Variants in RGS18 observed in about 807,000 individuals in gnomAD.
RGS18 encodes the protein regulator of G-protein signaling 18.
RGS18 carries 22 observed loss-of-function variants against 27.6 expected under a neutral mutation model. The observed-to-expected ratio is 0.80, with a 90% CI of 0.57 to 1.14. The LOEUF is 1.14. RGS18 is among the 50% of genes most tolerant of loss of function. The pLI, the probability that RGS18 is intolerant of heterozygous loss-of-function variation, is 0.00. For synonymous variants in RGS18, 89 were observed against 84.6 expected, an observed-to-expected ratio of 1.05 and a Z score of -0.29; for missense variants, 299 against 269.6, an observed-to-expected ratio of 1.11 and a Z score of -0.76.
rs951613676 is a variant in RGS18, at chr1:192,173,679, GT to G, written c.284-7606del. Among the ~76,000 whole-genome samples the G allele has an allele frequency of 2.3e-4, 35 of 151,482 alleles. 2 individuals carry two copies. The highest frequency in any genetic ancestry group is 3.4e-3 in the Middle Eastern group (1 of 294). ...GTGTCAGTTTGGGTATAGGTTTATT[GT>G]TTTTTTAAACAATTTCCCTATGCCA... On this transcript the variant is annotated intron_variant, in intron 3 of 4. Transcript: ENST00000367460.
intron 3 of RGS18, among the ~76,000 whole-genome samples, chr1:192,172,743 A>C (rs1656283233): frequency 6.6e-6 from 1 of 151,394 alleles, no homozygotes. Flanking sequence ...CCCCATCTCA[A>C]CGTCCTGAAC....
chr1:192,165,768 A>G (rs61822861), intron 3 of RGS18, among the ~76,000 whole-genome samples: 25 of 152,210 alleles, frequency 1.6e-4, no homozygotes, highest in Non-Finnish European at 2.9e-4. Flanking sequence ...ATTTTAACAC[A>G]ATGAAGTCCA....
At chr1:192,168,430 A>G (rs1656198393) in intron 3 of RGS18, 1 of 152,152 alleles carries the variant, frequency 6.6e-6, no homozygotes, top group Non-Finnish European at 1.5e-5. Flanking sequence ...CATACATAGC[A>G]CTTTTCTTGA....
intron 3 of RGS18, chr1:192,160,676 G>A (rs769813418): frequency 9.6e-6 from 4 of 418,080 alleles, no homozygotes; most frequent in Non-Finnish European, 1.7e-5. Flanking sequence ...TATTTATACT[G>A]TAGCTAGTTT....
At chr1:192,174,846 T>A (rs1656331441) in intron 3 of RGS18, among the ~76,000 whole-genome samples, 1 of 151,884 alleles carries the variant, frequency 6.6e-6, no homozygotes, top group Non-Finnish European at 1.5e-5. Flanking sequence ...CCCAGTCAGA[T>A]AATCTCTGAC....
At chr1:192,179,113 A>G (rs1316425716) in intron 3 of RGS18, among the ~76,000 whole-genome samples, 2 of 151,582 alleles carry the variant, frequency 1.3e-5, no homozygotes, top group Admixed American at 6.6e-5. Flanking sequence ...ATCACACAGT[A>G]TGAACTAGGA....
intron 3 of RGS18, among the ~76,000 whole-genome samples, chr1:192,165,314 C>T (rs146794013): frequency 3.8e-4 from 58 of 152,278 alleles, no homozygotes; most frequent in African/African-American, 1.3e-3. Context: ...AGATGTTTAT[C>T]GACGACAATG....
At chr1:192,176,605 T>C (rs1656363470) in intron 3 of RGS18, among the ~76,000 whole-genome samples, 1 of 151,676 alleles carries the variant, frequency 6.6e-6, no homozygotes, top group Non-Finnish European at 1.5e-5. Flanking sequence ...AGTAATATGT[T>C]CTTTTATTTA....
In RGS18 at chr1:192,179,877, G is replaced by A. The variant is rs182456179; in HGVS notation, c.284-1415G>A. 7.3e-5 allele frequency among the ~76,000 whole-genome samples: 11 copies of A among 151,594 alleles called. 1 individual carries two copies. In the East Asian group the frequency reaches 1.8e-3, roughly 24 times the overall value. On this transcript the variant is annotated intron_variant, in intron 3 of 4. Transcript: ENST00000367460. ...TTACACTTGTAACTTTCTGTATCTT[G>A]ATTATATTAATTAATGTCACTATCC...
In RGS18 at chr1:192,164,472, C is replaced by G. The variant is rs561813634; in HGVS notation, c.283+4033C>G. ...GGTGTTCTGATAATTCTATTTTATT[C>G]TAATTTTAGTCACACAGTTTAACTT... On this transcript the variant is annotated intron_variant, in intron 3 of 4. Transcript: ENST00000367460. Among the ~76,000 whole-genome samples, 13 of 151,838 alleles carry G rather than the reference C, an allele frequency of 8.6e-5. No individual in the cohort carries two copies. The South Asian group carries it at 2.7e-3, about 32-fold the overall frequency.
intron 3 of RGS18, among the ~76,000 whole-genome samples, chr1:192,172,101 G>A (rs1311798178): frequency 6.6e-6 from 1 of 152,010 alleles, no homozygotes. Flanking sequence ...TGCAAACTGA[G>A]GTTCATTCCC....
chr1:192,177,428 T>A (rs1464435742), intron 3 of RGS18, among the ~76,000 whole-genome samples: 3 of 151,788 alleles, frequency 2.0e-5, no homozygotes, highest in African/African-American at 7.2e-5. Flanking sequence ...TGTTGATAAT[T>A]TATTTTAGTA....
chr1:192,177,693 G>A (rs530106616), intron 3 of RGS18, among the ~76,000 whole-genome samples: 10 of 151,816 alleles, frequency 6.6e-5, no homozygotes, highest in Admixed American at 4.6e-4. Context: ...ATGAATATAG[G>A]CTGTATGGGT....
intron 3 of RGS18, among the ~76,000 whole-genome samples, chr1:192,165,412 T>C (rs1373341214): frequency 6.6e-6 from 1 of 152,200 alleles, no homozygotes; most frequent in Non-Finnish European, 1.5e-5. Context: ...CTTGTGATAT[T>C]TTATTGCCTT....
rs191249679 is a variant in RGS18 at position 192,164,930 on chromosome 1, T to C, written c.283+4491T>C. On this transcript the variant is annotated intron_variant, in intron 3 of 4. Transcript: ENST00000367460. ...GCATGTGTGTTTGAACGATATGAAA[T>C]CTGGGCACCCTGAAAAAGAACAGGA... 3.4e-3 allele frequency among the ~76,000 whole-genome samples: 518 copies of C among 152,210 alleles called. 3 individuals carry two copies. Among genetic ancestry groups the C allele is most frequent in the African/African-American group, 0.012 (480 of 41,536 alleles).
At chr1:192,182,549 A>G (rs893964227) in intron 4 of RGS18, among the ~76,000 whole-genome samples, 1 of 151,566 alleles carries the variant, frequency 6.6e-6, no homozygotes, top group African/African-American at 2.4e-5. Context: ...TTGTACCCTC[A>G]TACATTCTAC....
chr1:192,179,179 T>A (rs1361374346), intron 3 of RGS18, among the ~76,000 whole-genome samples: 1 of 151,576 alleles, frequency 6.6e-6, no homozygotes, highest in African/African-American at 2.4e-5. Flanking sequence ...AGGGGGTCAG[T>A]ATTATCAGAT....
Position 192,184,408 on chromosome 1 carries a change from A to C in RGS18, c.562A>C (p.Ser188Arg). The C allele has an allele frequency of 6.2e-7, 1 of 1,611,972 alleles. No individual in the cohort carries two copies. ...SRVYQLMEQDSYTRFLKSDIY... is the reference protein window; with the variant it reads ...SRVYQLMEQDRYTRFLKSDIY... Reference sequence around the variant, plus strand: ...AGTGTATCAGCTCATGGAACAAGACAGTTATACACGTTTTCTGAAATCTGA... The same window carrying C: ...AGTGTATCAGCTCATGGAACAAGACCGTTATACACGTTTTCTGAAATCTGA... Residue 188 changes from serine (S) to arginine (R), a missense_variant, in exon 5 of 5, where the codon AGT becomes CGT. Physicochemically the swap from Ser to Arg is moderately radical, Grantham distance 110. Transcript: ENST00000367460.
At chr1:192,173,782 T>C (rs951039011) in intron 3 of RGS18, among the ~76,000 whole-genome samples, 12 of 151,796 alleles carry the variant, frequency 7.9e-5, no homozygotes, top group Admixed American at 7.2e-4. Context: ...TATACTAATA[T>C]TTATGGTTTG....
Sources: allele counts gnomAD v4.1 joint callset (sites outside exome capture counted in the v4.1 genomes callset), GRCh38; gene constraint gnomAD v4.1.1; transcripts MANE v1.5; gene names NCBI Gene and HGNC (gene_info 2026-07-23, HGNC 2026-07-21).